ZNF609: variants seen among roughly 807,000 people sequenced by gnomAD.
The protein encoded by ZNF609 is zinc finger protein 609.
A neutral mutation model predicts 109.5 loss-of-function variants in ZNF609; 11 were observed. The ratio of observed to expected loss-of-function variants is 0.10; its 90% CI spans 0.06 to 0.17. ZNF609 has a LOEUF of 0.17. Ranked by LOEUF, ZNF609 falls within the 10% of genes least tolerant of loss-of-function variation. The pLI, the probability that ZNF609 is intolerant of heterozygous loss-of-function variation, is 1.00. For missense variants in ZNF609, 1,559 were observed against 1,772.4 expected (o/e 0.88, Z 2.16); for synonymous variants, 646 against 662.0 (o/e 0.98, Z 0.37).
At chr15:64,563,548 G>A (rs1335486744) in intron 2 of ZNF609, among the ~76,000 whole-genome samples, 1 of 152,068 alleles carries the variant, frequency 6.6e-6, no homozygotes, top group African/African-American at 2.4e-5. Flanking sequence ...AGGCCGAGGT[G>A]GGTGGATTAC....
rs536378678 is a variant in ZNF609 at position 64,618,459 on chromosome 15, T to G, written c.748-4368T>G. Among the ~76,000 whole-genome samples, 7 of 152,312 alleles carry G rather than the reference T, an allele frequency of 4.6e-5. No individual in the cohort carries two copies. In the East Asian group the frequency reaches 1.2e-3, roughly 25 times the overall value. On this transcript the variant is annotated intron_variant, in intron 2 of 9. Coordinates refer to ENST00000326648, the MANE Select transcript of ZNF609 (RefSeq NM_015042.2). ...TTTAGCTGTCCTTAGGCGGCTTGTGTTAGCTCAATTAGACCCCTGCCTTAT... is the reference window on the plus strand; with the variant it reads ...TTTAGCTGTCCTTAGGCGGCTTGTGGTAGCTCAATTAGACCCCTGCCTTAT...
At chr15:64,490,390 C>CAGCCTCCCTAGT (rs1893397958) in intron 1 of ZNF609, among the ~76,000 whole-genome samples, 1 of 151,852 alleles carries the variant, frequency 6.6e-6, no homozygotes, top group African/African-American at 2.4e-5. Flanking sequence ...TCTCCTGCCT[C>CAGCCTCCCTAGT]AGCCTCCCTA....
rs1169879124 is a variant in ZNF609, at chr15:64,598,742, GTATATATATATATATATATATATATA to G, written c.748-24065_748-24040del. ...CTGTCCATCATACATCTTTGTGTGT[GTATATATATATATATATATATATATA>G]TATATATATATATATATATCCTGTT... On this transcript the variant is annotated intron_variant, in intron 2 of 9. Coordinates refer to ENST00000326648, the MANE Select transcript of ZNF609 (RefSeq NM_015042.2). Among the ~76,000 whole-genome samples, 54 of 60,280 alleles carry G rather than the reference GTATATATATATATATATATATATATA, an allele frequency of 9.0e-4. 1 individual carries two copies. Among genetic ancestry groups the G allele is most frequent in the Middle Eastern group, 9.3e-3 (1 of 108 alleles). 39.5% of individuals were successfully genotyped at this position (60,280 alleles called of 152,430 possible).
chr15:64,487,272 A>G (rs1433176375), intron 1 of ZNF609, among the ~76,000 whole-genome samples: 1 of 152,158 alleles, frequency 6.6e-6, no homozygotes, highest in Non-Finnish European at 1.5e-5. Context: ...TAAATAGCCT[A>G]ATCTGTGGTG....
At chr15:64,565,004 C>T (rs529097519) in intron 2 of ZNF609, among the ~76,000 whole-genome samples, 11 of 150,490 alleles carry the variant, frequency 7.3e-5, no homozygotes, top group South Asian at 4.2e-4. Flanking sequence ...CCTGCCACCA[C>T]GCCTGGCTAA....
rs1894989818 is a variant in ZNF609, at chr15:64,577,110, A to G, written c.748-45717A>G. On this transcript the variant is annotated intron_variant, in intron 2 of 9. Coordinates refer to ENST00000326648, the MANE Select transcript of ZNF609 (RefSeq NM_015042.2). Reference sequence around the variant, plus strand: ...CATATATGTATATATACACACAAATATATACATATATGTGTATATATACAC... The same window carrying G: ...CATATATGTATATATACACACAAATGTATACATATATGTGTATATATACAC... 1.6e-5 allele frequency among the ~76,000 whole-genome samples: 2 copies of G among 125,244 alleles called. 1 individual carries two copies. Among genetic ancestry groups the G allele is most frequent in the South Asian group, 4.6e-4 (2 of 4,382 alleles). The allele number at this position is 125,244 out of a possible 152,430, so 82.2% of individuals were successfully genotyped here.
intron 2 of ZNF609, among the ~76,000 whole-genome samples, chr15:64,542,888 C>G (rs535777434): frequency 9.2e-5 from 14 of 152,216 alleles, no homozygotes; most frequent in African/African-American, 2.9e-4. Flanking sequence ...GGTGATCTTT[C>G]TAAACATTCT....
At chr15:64,549,847 G>A (rs1212696475) in intron 2 of ZNF609, among the ~76,000 whole-genome samples, 1 of 152,164 alleles carries the variant, frequency 6.6e-6, no homozygotes, top group Non-Finnish European at 1.5e-5. Flanking sequence ...GAGCAGTGGT[G>A]CAATCACAGC....
rs540546483 is a variant in ZNF609, at chr15:64,606,438, T to C, written c.748-16389T>C. ...AGTTGGGCATAGTAGCAGGCGCCTG[T>C]AATCCCAGCTACTTGGGAGGCTGAG... On this transcript the variant is annotated intron_variant, in intron 2 of 9. Coordinates refer to ENST00000326648, the MANE Select transcript of ZNF609 (RefSeq NM_015042.2). Among the ~76,000 whole-genome samples, 66 of 150,654 alleles carry C rather than the reference T, an allele frequency of 4.4e-4. No homozygotes were observed. In the Middle Eastern group the frequency reaches 0.028, roughly 63 times the overall value.
At chr15:64,611,651 A>G (rs1567029086) in intron 2 of ZNF609, among the ~76,000 whole-genome samples, 1 of 152,162 alleles carries the variant, frequency 6.6e-6, no homozygotes, top group Non-Finnish European at 1.5e-5. Flanking sequence ...GTAGTCTTCA[A>G]ATTATATGTT....
chr15:64,561,624 G>A (rs1318182597), intron 2 of ZNF609, among the ~76,000 whole-genome samples: 1 of 148,144 alleles, frequency 6.8e-6, no homozygotes, highest in Non-Finnish European at 1.5e-5. Flanking sequence ...ACGAACTCCT[G>A]GGCACAGGCA....
chr15:64,591,724 A>AT (rs771812223), intron 2 of ZNF609, among the ~76,000 whole-genome samples: 1,616 of 142,556 alleles, frequency 0.011, 12 homozygotes, highest in Middle Eastern at 0.047. Context: ...ACTAAAAATA[A>AT]TTTTTTTTTT....
chr15:64,655,436 C>T (rs2141000710), intron 3 of ZNF609, among the ~76,000 whole-genome samples: 1 of 151,826 alleles, frequency 6.6e-6, no homozygotes, highest in East Asian at 1.9e-4. Context: ...AACTCCATCC[C>T]CCGCAAAAAA....
chr15:64,526,295 C>T (rs1316814003), intron 2 of ZNF609, among the ~76,000 whole-genome samples: 1 of 152,000 alleles, frequency 6.6e-6, no homozygotes, highest in African/African-American at 2.4e-5. Flanking sequence ...ATGTACTGAT[C>T]TTGTATCTCA....
chr15:64,525,258 G>A (rs1053855903), intron 2 of ZNF609, among the ~76,000 whole-genome samples: 1 of 152,064 alleles, frequency 6.6e-6, no homozygotes, highest in Non-Finnish European at 1.5e-5. Context: ...TTTTCTATAT[G>A]GTGTGAAGTA....
chr15:64,656,220 C>T (rs982657245), intron 3 of ZNF609, among the ~76,000 whole-genome samples: 8 of 152,076 alleles, frequency 5.3e-5, no homozygotes, highest in African/African-American at 1.9e-4. Context: ...CCCACCATCA[C>T]ACCCAGCCAA....
At chr15:64,498,294 C>A (rs1220280779) in intron 1 of ZNF609, among the ~76,000 whole-genome samples, 1 of 152,102 alleles carries the variant, frequency 6.6e-6, no homozygotes, top group Non-Finnish European at 1.5e-5. Context: ...AGGTGATTAG[C>A]CTGCCTCTGC....
chr15:64,620,884 G>A (rs762740520), intron 2 of ZNF609, among the ~76,000 whole-genome samples: 1 of 152,196 alleles, frequency 6.6e-6, no homozygotes, highest in Non-Finnish European at 1.5e-5. Context: ...TGTGTTGTGG[G>A]AGGGAAATGG....
chr15:64,615,080 G>T (rs1474480168), intron 2 of ZNF609, among the ~76,000 whole-genome samples: 1 of 152,072 alleles, frequency 6.6e-6, no homozygotes, highest in Non-Finnish European at 1.5e-5. Context: ...GCCTCCCAAA[G>T]TGCTGGGATT....
Sources: allele counts gnomAD v4.1 joint callset (sites outside exome capture counted in the v4.1 genomes callset), GRCh38; gene constraint gnomAD v4.1.1; transcripts MANE v1.5; gene names NCBI Gene and HGNC (gene_info 2026-07-23, HGNC 2026-07-21).